The following PDZRN4 variants were observed in gnomAD, a reference collection of about 807,000 sequenced individuals.
The protein encoded by PDZRN4 is PDZ domain-containing RING finger protein 4.
A neutral mutation model predicts 99.0 loss-of-function variants in PDZRN4; 70 were observed. The ratio of observed to expected loss-of-function variants is 0.71; its 90% CI spans 0.58 to 0.86. The LOEUF (loss-of-function observed/expected upper bound fraction) is 0.86, where lower values mean the gene tolerates loss of function less well. PDZRN4 is among the 40% of genes least tolerant of loss of function. The pLI is 0.00. For synonymous variants in PDZRN4, 551 were observed against 501.6 expected (o/e 1.10, Z -1.32); for missense variants, 1,474 against 1,331.2 (o/e 1.11, Z -1.67).
chr12:41,431,004 C>T (rs991150095), intron 3 of PDZRN4, among the ~76,000 whole-genome samples: 2 of 152,012 alleles, frequency 1.3e-5, no homozygotes, highest in African/African-American at 2.4e-5. Context: ...TTGTGAGGAC[C>T]CTCTCAGGAG....
intron 3 of PDZRN4, among the ~76,000 whole-genome samples, chr12:41,479,113 A>C (rs1428315767): frequency 6.6e-6 from 1 of 152,232 alleles, no homozygotes; most frequent in Admixed American, 6.5e-5. Context: ...GGAAGAGTCC[A>C]GGATTAGGAA....
intron 5 of PDZRN4, among the ~76,000 whole-genome samples, chr12:41,534,701 A>C (rs998409609): frequency 3.3e-5 from 5 of 152,110 alleles, no homozygotes; most frequent in South Asian, 2.1e-4. Flanking sequence ...CCCTTGTTCC[A>C]AAAAGATCTT....
intron 3 of PDZRN4, among the ~76,000 whole-genome samples, chr12:41,423,694 T>C (rs1376683968): frequency 6.6e-6 from 1 of 152,166 alleles, no homozygotes; most frequent in African/African-American, 2.4e-5. Flanking sequence ...TATTTTGCCA[T>C]TGGACTCCTA....
chr12:41,278,487 A>G (rs78431893), intron 3 of PDZRN4, among the ~76,000 whole-genome samples: 2,197 of 152,362 alleles, frequency 0.014, 22 homozygotes, highest in Middle Eastern at 0.034. Context: ...TTGAAAGAGC[A>G]GAACTCAATA....
At chr12:41,375,395 G>A (rs1028781539) in intron 3 of PDZRN4, among the ~76,000 whole-genome samples, 1 of 152,094 alleles carries the variant, frequency 6.6e-6, no homozygotes, top group Non-Finnish European at 1.5e-5. Context: ...TAGATAGAAT[G>A]AAATTTCAAG....
intron 3 of PDZRN4, among the ~76,000 whole-genome samples, chr12:41,458,461 G>A (rs1196063715): frequency 5.9e-5 from 9 of 152,308 alleles, no homozygotes; most frequent in Admixed American, 4.6e-4. Flanking sequence ...CCAGCCGAGA[G>A]TGACTTTTAT....
chr12:41,288,543 AGT>A (rs1491569397), intron 3 of PDZRN4, among the ~76,000 whole-genome samples: 2 of 152,302 alleles, frequency 1.3e-5, no homozygotes, highest in African/African-American at 4.8e-5. Flanking sequence ...AATATGGTGC[AGT>A]GTTTCTTTAA....
At chr12:41,383,609 T>C (rs1270499222) in intron 3 of PDZRN4, among the ~76,000 whole-genome samples, 1 of 152,214 alleles carries the variant, frequency 6.6e-6, no homozygotes, top group Non-Finnish European at 1.5e-5. Flanking sequence ...CTTTCTCCTT[T>C]AACATGGATT....
At chr12:41,438,806 C>T (rs1182534931) in intron 3 of PDZRN4, among the ~76,000 whole-genome samples, 1 of 152,152 alleles carries the variant, frequency 6.6e-6, no homozygotes, top group Non-Finnish European at 1.5e-5. Context: ...GGGGGAGGTT[C>T]CCCTGGGAGT....
intron 3 of PDZRN4, among the ~76,000 whole-genome samples, chr12:41,266,379 G>C: frequency 6.6e-6 from 1 of 151,538 alleles, no homozygotes; most frequent in East Asian, 1.9e-4. Context: ...TTTTCCTCTT[G>C]GTATTGATAC....
chr12:41,215,824 G>C (rs185575050), intron 3 of PDZRN4, among the ~76,000 whole-genome samples: 14 of 148,822 alleles, frequency 9.4e-5, no homozygotes, highest in African/African-American at 3.0e-4. Flanking sequence ...CTTTGAAAAA[G>C]CCTCATAAAC....
At chr12:41,464,638 A>C (rs903582457) in intron 3 of PDZRN4, among the ~76,000 whole-genome samples, 4 of 152,180 alleles carry the variant, frequency 2.6e-5, no homozygotes, top group Non-Finnish European at 5.9e-5. Context: ...AAAACAGCCA[A>C]ATACTAACTT....
At chr12:41,236,746 C>G (rs968694927) in intron 3 of PDZRN4, among the ~76,000 whole-genome samples, 6 of 151,946 alleles carry the variant, frequency 3.9e-5, no homozygotes, top group African/African-American at 1.5e-4. Flanking sequence ...AGACCTAGAT[C>G]TTAATTTTTT....
rs760530155 is a variant in PDZRN4 at position 41,506,623 on chromosome 12, C to T, written c.1011C>T (p.Asp337=). 6.2e-7 allele frequency: 1 copy of T among 1,613,938 alleles called. No homozygotes were observed. Among genetic ancestry groups the T allele is most frequent in the African/African-American group, 1.3e-5 (1 of 75,034 alleles). ...TTATGAATGCCAGCACTCAGACGGA[C>T]ATCACCTTCGAACACATCATGGCTC... ...VQLMNASTQT[D]ITFEHIMALA... Residue 337 remains aspartate, a synonymous_variant, in exon 4 of 10, where the codon GAC becomes GAT. Coordinates refer to ENST00000402685, the MANE Select transcript of PDZRN4 (RefSeq NM_001164595.2).
intron 3 of PDZRN4, among the ~76,000 whole-genome samples, chr12:41,425,104 A>G (rs1471949943): frequency 1.3e-5 from 2 of 152,206 alleles, no homozygotes; most frequent in Admixed American, 6.6e-5. Context: ...GCTTTTTAAT[A>G]GATTAAAAGA....
intron 3 of PDZRN4, among the ~76,000 whole-genome samples, chr12:41,462,302 T>A (rs773149346): frequency 7.2e-5 from 11 of 152,208 alleles, no homozygotes; most frequent in African/African-American, 2.7e-4. Context: ...AAAACTCAGA[T>A]GGAGTCATTC....
At chr12:41,239,967 T>A (rs1382742081) in intron 3 of PDZRN4, among the ~76,000 whole-genome samples, 1 of 152,226 alleles carries the variant, frequency 6.6e-6, no homozygotes, top group African/African-American at 2.4e-5. Context: ...TTTCCCTTTT[T>A]AGAGAGTTCT....
chr12:41,512,223 T>C (rs1042692111), intron 5 of PDZRN4, among the ~76,000 whole-genome samples: 5 of 152,038 alleles, frequency 3.3e-5, no homozygotes, highest in African/African-American at 1.2e-4. Context: ...TACCAGGCAG[T>C]TATCTATGCA....
chr12:41,245,787 G>A (rs1951130072), intron 3 of PDZRN4, among the ~76,000 whole-genome samples: 1 of 152,152 alleles, frequency 6.6e-6, no homozygotes, highest in Non-Finnish European at 1.5e-5. Context: ...ATTCCTCATG[G>A]AAATCAAAGC....
Sources: allele counts gnomAD v4.1 joint callset (sites outside exome capture counted in the v4.1 genomes callset), GRCh38; gene constraint gnomAD v4.1.1; transcripts MANE v1.5; gene names NCBI Gene and HGNC (gene_info 2026-07-23, HGNC 2026-07-21).